The following PRKN variants were observed in gnomAD, a reference collection of about 807,000 sequenced individuals.
PRKN encodes parkin RBR E3 ubiquitin protein ligase.
PRKN carries 56 observed loss-of-function variants against 59.5 expected under a neutral mutation model. That is an observed-to-expected ratio of 0.94 (90% CI 0.76 to 1.18). PRKN has a LOEUF of 1.18. Ranked by LOEUF, PRKN falls within the 50% of genes most tolerant of loss-of-function variation. The probability of loss-of-function intolerance (pLI) is 0.00; values close to 1 mark genes in which losing one functional copy is unlikely to be tolerated. For synonymous variants in PRKN, 250 were observed against 222.1 expected (o/e 1.13, Z -1.12); for missense variants, 657 against 596.4 (o/e 1.10, Z -1.06).
chr6:161,695,718 A>G (rs899521783), intron 7 of PRKN, among the ~76,000 whole-genome samples: 1 of 152,242 alleles, frequency 6.6e-6, no homozygotes. Context: ...AGAGGGAAAG[A>G]TGAGAGACAG....
At chr6:161,800,128 G>A (rs1344184758) in intron 6 of PRKN, among the ~76,000 whole-genome samples, 1 of 152,120 alleles carries the variant, frequency 6.6e-6, no homozygotes, top group Non-Finnish European at 1.5e-5. Flanking sequence ...TTGAGGTAAC[G>A]AATGGACTGG....
intron 1 of PRKN, among the ~76,000 whole-genome samples, chr6:162,628,683 A>G (rs2128222181): frequency 6.6e-6 from 1 of 152,276 alleles, no homozygotes; most frequent in South Asian, 2.1e-4. Flanking sequence ...TTCAGAGTGC[A>G]TGGTAATTAT....
At chr6:162,584,464 A>G (rs1194368502) in intron 1 of PRKN, among the ~76,000 whole-genome samples, 1 of 152,124 alleles carries the variant, frequency 6.6e-6, no homozygotes, top group Non-Finnish European at 1.5e-5. Flanking sequence ...GAATTTAAAC[A>G]TAGCTGCTAC....
At chr6:161,865,972 T>A (rs1303674275) in intron 6 of PRKN, among the ~76,000 whole-genome samples, 1 of 152,218 alleles carries the variant, frequency 6.6e-6, no homozygotes, top group Admixed American at 6.5e-5. Context: ...AACTTCTGAT[T>A]TGAAGTAAGA....
At chr6:161,698,262 G>A (rs1786106616) in intron 7 of PRKN, among the ~76,000 whole-genome samples, 1 of 152,158 alleles carries the variant, frequency 6.6e-6, no homozygotes, top group South Asian at 2.1e-4. Context: ...GGATATAGTA[G>A]GATAATGGGC....
chr6:161,742,995 C>T (rs757004991), intron 7 of PRKN, among the ~76,000 whole-genome samples: 4 of 152,130 alleles, frequency 2.6e-5, no homozygotes, highest in Non-Finnish European at 5.9e-5. Flanking sequence ...ATTCTCTAAG[C>T]TATATCTGAA....
intron 1 of PRKN, among the ~76,000 whole-genome samples, chr6:162,574,142 C>A (rs537601223): frequency 6.5e-4 from 99 of 152,094 alleles, no homozygotes; most frequent in Non-Finnish European, 1.2e-3. Flanking sequence ...CCCTCTGAGG[C>A]CATCTCTGGA....
chr6:162,583,382 C>G (rs1289238401), intron 1 of PRKN, among the ~76,000 whole-genome samples: 2 of 152,216 alleles, frequency 1.3e-5, no homozygotes, highest in Non-Finnish European at 2.9e-5. Context: ...GACAGAAACA[C>G]TGCGAGAAAT....
chr6:162,040,006 G>T (rs1286411822), intron 5 of PRKN, among the ~76,000 whole-genome samples: 1 of 152,132 alleles, frequency 6.6e-6, no homozygotes, highest in Non-Finnish European at 1.5e-5. Flanking sequence ...GCAGCATTTG[G>T]TGGGCACTGC....
At position 161,582,401 on chromosome 6, in the gene PRKN, T is replaced by C. The variant is rs1781369578; in HGVS notation, c.872-12985A>G. Among the ~76,000 whole-genome samples the C allele has an allele frequency of 7.0e-6, 1 of 142,984 alleles. No homozygotes were observed. The highest frequency in any genetic ancestry group is 2.3e-4 in the South Asian group (1 of 4,426). 93.8% of individuals were successfully genotyped at this position (142,984 alleles called of 152,430 possible). On this transcript the variant is annotated intron_variant, in intron 7 of 11. Transcript: ENST00000366898. This position sits in a 1 kb window ranked among gnomAD's most constrained non-coding sequence, Gnocchi z 4.4. ...AGATATAATCTGAACTAGGAAAGAC[T>C]GCATCTGCAGACTATTATTATTATT...
chr6:162,535,700 G>A (rs990968305), intron 1 of PRKN, among the ~76,000 whole-genome samples: 1 of 151,982 alleles, frequency 6.6e-6, no homozygotes, highest in African/African-American at 2.4e-5. Flanking sequence ...CTTGAGCTCA[G>A]GAGTTTGAGA....
intron 6 of PRKN, among the ~76,000 whole-genome samples, chr6:161,849,653 T>C (rs974705967): frequency 6.6e-6 from 1 of 152,160 alleles, no homozygotes; most frequent in Non-Finnish European, 1.5e-5. Context: ...CTCGCCATGA[T>C]CACAACCCAA....
intron 1 of PRKN, among the ~76,000 whole-genome samples, chr6:162,589,005 C>A (rs1781191431): frequency 6.6e-6 from 1 of 152,158 alleles, no homozygotes; most frequent in Admixed American, 6.5e-5. Context: ...TCCTCTCACT[C>A]TCTTCCACTC....
chr6:162,085,234 A>G (rs1779205720), intron 4 of PRKN, among the ~76,000 whole-genome samples: 1 of 151,388 alleles, frequency 6.6e-6, no homozygotes, highest in Non-Finnish European at 1.5e-5. Context: ...TGTTGTATAA[A>G]TGGAGGTGAA....
chr6:161,707,605 TA>T (rs762341184), intron 7 of PRKN, among the ~76,000 whole-genome samples: 3 of 152,232 alleles, frequency 2.0e-5, no homozygotes, highest in East Asian at 1.9e-4. Context: ...TTAATCAGCA[TA>T]AAAAATTCTT....
At chr6:162,179,934 T>G in intron 4 of PRKN, among the ~76,000 whole-genome samples, 1 of 132,350 alleles carries the variant, frequency 7.6e-6, no homozygotes. Context: ...AGAAAAATTG[T>G]AGTAAGGGGA....
chr6:162,498,619 AT>A (rs1793211318), intron 1 of PRKN, among the ~76,000 whole-genome samples: 1 of 148,114 alleles, frequency 6.8e-6, no homozygotes, highest in South Asian at 2.2e-4. Context: ...CTAATTTTGT[AT>A]TTTTAGTAGA....
At chr6:162,656,105 T>A (rs753597306) in intron 1 of PRKN, among the ~76,000 whole-genome samples, 6 of 152,136 alleles carry the variant, frequency 3.9e-5, no homozygotes, top group African/African-American at 1.4e-4. Context: ...TGGCACAAAG[T>A]AGAGCGTACA....
intron 3 of PRKN, among the ~76,000 whole-genome samples, chr6:162,216,140 A>G (rs570419056): frequency 6.6e-6 from 1 of 152,318 alleles, no homozygotes; most frequent in Non-Finnish European, 1.5e-5. Context: ...TATCTGCAGG[A>G]AACACTATCA....
Sources: gnomAD v4.1 joint callset for allele counts (sites outside exome capture counted in the v4.1 genomes callset) on GRCh38, gnomAD v4.1.1 for gene constraint, Gnocchi (gnomAD v3.1) non-coding constraint, MANE v1.5 for transcripts, NCBI Gene and HGNC (gene_info 2026-07-23, HGNC 2026-07-21) for gene names.